Variants in TP63 observed in about 807,000 individuals in gnomAD.
TP63 encodes tumor protein 63.
Under a neutral mutation model 82.8 loss-of-function variants are expected in TP63, and 17 were observed. That is an observed-to-expected ratio of 0.21 (90% CI 0.14 to 0.31). TP63 has a LOEUF of 0.31. TP63 is among the 10% of genes least tolerant of loss of function. TP63 has a pLI of 1.00. For missense variants in TP63, 648 were observed against 895.3 expected (o/e 0.72, Z 3.52); for synonymous variants, 330 against 321.7 (o/e 1.03, Z -0.28).
intron 1 of TP63, among the ~76,000 whole-genome samples, chr3:189,734,503 C>A (rs1232681192): frequency 6.6e-6 from 1 of 152,134 alleles, no homozygotes; most frequent in Non-Finnish European, 1.5e-5. Flanking sequence ...TTGTTCCCTT[C>A]CCCAGTGGTA....
intron 10 of TP63, among the ~76,000 whole-genome samples, chr3:189,878,385 C>CTTT (rs1203096619): frequency 2.1e-4 from 23 of 107,702 alleles, no homozygotes; most frequent in African/African-American, 3.9e-4. Context: ...TTACAGTTTC[C>CTTT]TTTTTTTTTT....
chr3:189,820,971 G>A (rs1728737241), intron 4 of TP63, among the ~76,000 whole-genome samples: 1 of 152,078 alleles, frequency 6.6e-6, no homozygotes, highest in African/African-American at 2.4e-5. Flanking sequence ...TGAACACAGT[G>A]CATTTTCTTC....
intron 1 of TP63, among the ~76,000 whole-genome samples, chr3:189,707,054 A>G (rs1175116952): frequency 6.6e-6 from 1 of 152,202 alleles, no homozygotes; most frequent in African/African-American, 2.4e-5. Context: ...GAAGCATTTT[A>G]GCTTTGCTAA....
chr3:189,706,874 T>C (rs1009280067), intron 1 of TP63, among the ~76,000 whole-genome samples: 5 of 152,184 alleles, frequency 3.3e-5, no homozygotes, highest in African/African-American at 1.2e-4. Context: ...AGAGTCCAAA[T>C]AGACAATCCA....
At chr3:189,635,505 G>A (rs1263636827) in intron 1 of TP63, among the ~76,000 whole-genome samples, 1 of 152,012 alleles carries the variant, frequency 6.6e-6, no homozygotes, top group Non-Finnish European at 1.5e-5. Context: ...CTGGTTTCCT[G>A]TTGAATTCAA....
chr3:189,656,427 G>A (rs193066083), intron 1 of TP63, among the ~76,000 whole-genome samples: 1 of 152,220 alleles, frequency 6.6e-6, no homozygotes, highest in Admixed American at 6.5e-5. Context: ...GAAGGCATAA[G>A]GGTATGTATG....
In TP63 at chr3:189,875,609, T is replaced by TATATATATAC. The variant is rs1553859653; in HGVS notation, c.1349+2623_1349+2624insCATATATATA. ...AAATACATACATATATATATATATATATATATATATATATATATATATATA... is the reference window on the plus strand; with the variant it reads ...AAATACATACATATATATATATATATATATATATACATATATATATATATATATATATATA... On this transcript the variant is annotated intron_variant, in intron 10 of 13. Coordinates refer to ENST00000264731, the MANE Select transcript of TP63 (RefSeq NM_003722.5). 8.8e-3 allele frequency among the ~76,000 whole-genome samples: 556 copies of TATATATATAC among 62,972 alleles called. 27 individuals carry two copies. Among genetic ancestry groups the TATATATATAC allele is most frequent in the African/African-American group, 0.029 (524 of 18,246 alleles). 41.3% of individuals were successfully genotyped at this position (62,972 alleles called of 152,430 possible).
the TP63 span, among the ~76,000 whole-genome samples, chr3:189,598,436 A>G: frequency 1.3e-5 from 2 of 152,294 alleles, no homozygotes; most frequent in East Asian, 3.9e-4. Context: ...AATTGTGGCC[A>G]TTTTTGAAAA....
chr3:189,892,497 G>T (rs571168280), intron 13 of TP63, among the ~76,000 whole-genome samples: 55 of 152,258 alleles, frequency 3.6e-4, no homozygotes, highest in African/African-American at 1.2e-3. Flanking sequence ...AACATAAAAA[G>T]CTATGCTTAT....
At chr3:189,624,313 C>T in the TP63 span, among the ~76,000 whole-genome samples, 2 of 152,052 alleles carry the variant, frequency 1.3e-5, no homozygotes, top group Non-Finnish European at 1.5e-5. Flanking sequence ...ATTACCCTGT[C>T]ACCCCCACCC....
At chr3:189,624,850 T>C in the TP63 span, among the ~76,000 whole-genome samples, 112,293 of 152,032 alleles carry the variant, frequency 0.74, 43,449 homozygotes, top group Middle Eastern at 0.87. Context: ...CCAACACACA[T>C]GGGCAGGAGG....
At chr3:189,606,499 A>T in the TP63 span, among the ~76,000 whole-genome samples, 1 of 143,044 alleles carries the variant, frequency 7.0e-6, no homozygotes, top group African/African-American at 2.5e-5. Context: ...GCCTTCTAAG[A>T]TGGCCATTTT....
At chr3:189,735,732 A>G (rs1352909612) in intron 1 of TP63, among the ~76,000 whole-genome samples, 1 of 152,202 alleles carries the variant, frequency 6.6e-6, no homozygotes. Flanking sequence ...CACAACTTCC[A>G]GATTTACCAA....
intron 10 of TP63, among the ~76,000 whole-genome samples, chr3:189,883,219 A>G (rs1260484248): frequency 5.3e-5 from 8 of 152,212 alleles, no homozygotes; most frequent in Admixed American, 3.3e-4. Context: ...AAGGCTTTCA[A>G]ATTGGCTGAG....
chr3:189,851,142 G>C (rs1422538140), intron 4 of TP63, among the ~76,000 whole-genome samples: 1 of 152,184 alleles, frequency 6.6e-6, no homozygotes, highest in Non-Finnish European at 1.5e-5. Context: ...TTCACCTTAA[G>C]AGATGTGAAC....
chr3:189,628,585 A>C (rs1729369457), upstream of TP63, among the ~76,000 whole-genome samples: 1 of 152,096 alleles, frequency 6.6e-6, no homozygotes, highest in South Asian at 2.1e-4. Flanking sequence ...CATCATTTAA[A>C]CAGGCAGGTC....
intron 4 of TP63, among the ~76,000 whole-genome samples, chr3:189,811,943 T>A (rs997260196): frequency 6.6e-6 from 1 of 152,244 alleles, no homozygotes; most frequent in Non-Finnish European, 1.5e-5. Flanking sequence ...TGTGCCTTAT[T>A]ATACAACACC....
chr3:189,729,111 A>G (rs1023617509), intron 1 of TP63, among the ~76,000 whole-genome samples: 3 of 152,186 alleles, frequency 2.0e-5, no homozygotes, highest in African/African-American at 7.2e-5. Flanking sequence ...AAGTTAGAAA[A>G]TGCTGACTAA....
chr3:189,787,778 A>G (rs1724730154), intron 3 of TP63, among the ~76,000 whole-genome samples: 1 of 152,074 alleles, frequency 6.6e-6, no homozygotes, highest in Non-Finnish European at 1.5e-5. Flanking sequence ...TGCTAACAGC[A>G]TTTCCTCTAG....
Sources: gnomAD v4.1 joint callset for allele counts (sites outside exome capture counted in the v4.1 genomes callset) on GRCh38, gnomAD v4.1.1 for gene constraint, MANE v1.5 for transcripts, NCBI Gene and HGNC (gene_info 2026-07-23, HGNC 2026-07-21) for gene names.